CD2AP: variants seen among roughly 807,000 people sequenced by gnomAD.
CD2AP encodes the protein CD2 associated protein, also known as CD2-associated protein.
In CD2AP, 46 loss-of-function variants were observed where a neutral mutation model predicts 85.1. That is an observed-to-expected ratio of 0.54 (90% confidence interval 0.43 to 0.69). The LOEUF is 0.69. Among genes scored for constraint, CD2AP ranks in the 30% least tolerant of loss-of-function variants. The pLI, the probability that CD2AP is intolerant of heterozygous loss-of-function variation, is 0.00. For synonymous variants in CD2AP, 255 were observed against 252.9 expected (o/e 1.01, Z -0.08); for missense variants, 769 against 729.5 (o/e 1.05, Z -0.62).
intron 1 of CD2AP, among the ~76,000 whole-genome samples, chr6:47,491,950 T>A (rs1765746589): frequency 6.6e-6 from 1 of 152,198 alleles, no homozygotes; most frequent in South Asian, 2.1e-4. Context: ...TTGCTGTACT[T>A]CATTTTAAGT....
At chr6:47,546,623 A>C (rs1200634040) in intron 4 of CD2AP, among the ~76,000 whole-genome samples, 1 of 152,224 alleles carries the variant, frequency 6.6e-6, no homozygotes, top group Non-Finnish European at 1.5e-5. Flanking sequence ...AATAATCAGA[A>C]AAACTTCCCC....
Position 47,625,033 on chromosome 6 carries a change from C to T in CD2AP, c.*806C>T, listed in dbSNP as rs1031681009. The T allele has an allele frequency of 6.6e-6, 1 of 151,892 alleles. No homozygotes were observed. The highest frequency in any genetic ancestry group is 2.4e-5 in the African/African-American group (1 of 41,414). 9.4% of individuals were successfully genotyped at this position (151,892 alleles called of 1,614,324 possible). ...TTTGTTAGGTCTGAAGAATCTAAAA[C>T]TGTTAATTTAACCCTTAACTTGTGC... is the stretch of plus-strand genomic sequence containing the variant. On this transcript the variant is annotated 3_prime_UTR_variant, in exon 18 of 18. Transcript: ENST00000359314.
chr6:47,563,678 T>A (rs1767919579), intron 5 of CD2AP, among the ~76,000 whole-genome samples: 1 of 152,038 alleles, frequency 6.6e-6, no homozygotes, highest in Non-Finnish European at 1.5e-5. Context: ...TTCAAAGGAG[T>A]TAATTTACTC....
Position 47,574,079 on chromosome 6 carries a change from G to A in CD2AP, c.557G>A (p.Gly186Glu), listed in dbSNP as rs1450559718. The A allele has an allele frequency of 1.2e-6, 2 of 1,613,790 alleles. No individual in the cohort carries two copies. The highest frequency in any genetic ancestry group is 1.6e-4 in the Middle Eastern group (1 of 6,080). The stretch of plus-strand genomic sequence containing the variant: ...ATTGTTTCAGAAACTGTTTTGGCTG[G>A]GCCTACTTCACCTATACCTTCTCTG... The part of the protein sequence containing the change: ...AQDDSETVLA[G>E]PTSPIPSLGN... Residue 186 changes from glycine (G) to glutamate (E), a missense_variant, in exon 6 of 18, where the codon GGG becomes GAG. Transcript: ENST00000359314.
At chr6:47,535,613 C>T (rs949441557) in intron 3 of CD2AP, among the ~76,000 whole-genome samples, 7 of 152,198 alleles carry the variant, frequency 4.6e-5, no homozygotes, top group African/African-American at 1.7e-4. Flanking sequence ...CAAGGAAATA[C>T]AATATCCAGG....
intron 2 of CD2AP, among the ~76,000 whole-genome samples, chr6:47,513,893 G>GC (rs200745225): frequency 1.5e-5 from 2 of 135,158 alleles, no homozygotes. Flanking sequence ...ATTTTTTTTT[G>GC]GGGGGGGGGC....
chr6:47,566,541 G>C (rs1421294072), intron 5 of CD2AP, among the ~76,000 whole-genome samples: 1 of 151,854 alleles, frequency 6.6e-6, no homozygotes, highest in East Asian at 1.9e-4. Context: ...AGAACATGCA[G>C]GTTTGTTACA....
intron 3 of CD2AP, among the ~76,000 whole-genome samples, chr6:47,542,055 C>T (rs1229460349): frequency 1.3e-5 from 2 of 152,196 alleles, no homozygotes; most frequent in Non-Finnish European, 2.9e-5. Flanking sequence ...GTATCTTACT[C>T]ATATTTCATT....
intron 4 of CD2AP, 52 bp from the exon 5 acceptor site, chr6:47,554,594 G>T: frequency 6.2e-7 from 1 of 1,608,078 alleles, no homozygotes; most frequent in South Asian, 1.1e-5. Flanking sequence ...ATAGGGTGAC[G>T]ATTTTCACTT....
chr6:47,537,573 A>G (rs1201090907), intron 3 of CD2AP, among the ~76,000 whole-genome samples: 1 of 152,186 alleles, frequency 6.6e-6, no homozygotes, highest in Non-Finnish European at 1.5e-5. Context: ...TTATCTTAAT[A>G]TACATATACT....
chr6:47,481,814 T>C (rs1029741411), intron 1 of CD2AP, among the ~76,000 whole-genome samples: 1 of 152,372 alleles, frequency 6.6e-6, no homozygotes, highest in Admixed American at 6.5e-5. Flanking sequence ...GGTCTTGCTC[T>C]GTTACCCAGG....
intron 2 of CD2AP, among the ~76,000 whole-genome samples, chr6:47,510,694 C>A (rs1168741660): frequency 6.6e-6 from 1 of 152,050 alleles, no homozygotes; most frequent in African/African-American, 2.4e-5. Context: ...AACAAAAATT[C>A]CAAGTGATAA....
intron 16 of CD2AP, among the ~76,000 whole-genome samples, chr6:47,611,733 C>A (rs1428832740): frequency 6.6e-6 from 1 of 151,922 alleles, no homozygotes; most frequent in African/African-American, 2.4e-5. Context: ...TCCTCCCATT[C>A]CTTCTGTCTC....
chr6:47,607,567 T>G (rs921498512), intron 14 of CD2AP, among the ~76,000 whole-genome samples: 1 of 152,136 alleles, frequency 6.6e-6, no homozygotes, highest in African/African-American at 2.4e-5. Context: ...ATATTCATTG[T>G]TTTTGTAGTA....
At chr6:47,619,303 T>C (rs148677398) in intron 17 of CD2AP, among the ~76,000 whole-genome samples, 65 of 141,874 alleles carry the variant, frequency 4.6e-4, no homozygotes, top group Admixed American at 1.6e-3. Flanking sequence ...AGCTCCCACA[T>C]GTCCATGAGA....
intron 11 of CD2AP, among the ~76,000 whole-genome samples, chr6:47,590,865 G>C (rs1768773941): frequency 6.6e-6 from 1 of 152,016 alleles, no homozygotes; most frequent in Non-Finnish European, 1.5e-5. Flanking sequence ...ATCCAACCTG[G>C]ATATATGCAA....
intron 1 of CD2AP, among the ~76,000 whole-genome samples, chr6:47,484,686 T>G (rs1450364142): frequency 6.6e-6 from 1 of 152,210 alleles, no homozygotes; most frequent in African/African-American, 2.4e-5. Flanking sequence ...CTTCCCATCA[T>G]GATCTTGTTC....
At chr6:47,525,467 G>A (rs894422001) in intron 2 of CD2AP, among the ~76,000 whole-genome samples, 1 of 152,054 alleles carries the variant, frequency 6.6e-6, no homozygotes, top group African/African-American at 2.4e-5. Flanking sequence ...TTCTCACCTG[G>A]TTTTTATTAT....
intron 2 of CD2AP, among the ~76,000 whole-genome samples, chr6:47,504,668 C>T (rs1766082110): frequency 6.8e-6 from 1 of 146,412 alleles, no homozygotes; most frequent in Admixed American, 6.8e-5. Flanking sequence ...GTATTTTATT[C>T]TGCTACAGGG....
Sources: gnomAD v4.1 joint callset for allele counts (sites outside exome capture counted in the v4.1 genomes callset) on GRCh38, gnomAD v4.1.1 for gene constraint, MANE v1.5 for transcripts, NCBI Gene and HGNC (gene_info 2026-07-23, HGNC 2026-07-21) for gene names.